Variants in CCDC174 observed in about 807,000 individuals in gnomAD.
CCDC174 encodes coiled-coil domain containing 174, also known as coiled-coil domain-containing protein 174.
CCDC174 carries 37 observed loss-of-function variants against 57.1 expected under a neutral mutation model. The observed-to-expected ratio is 0.65, with a 90% CI of 0.50 to 0.85. The LOEUF is 0.85. CCDC174 is among the 40% of genes least tolerant of loss of function. The pLI is 0.00. For synonymous variants in CCDC174, 182 were observed against 190.2 expected (o/e 0.96, Z 0.35); for missense variants, 540 against 574.3 (o/e 0.94, Z 0.61).
rs764119196 is a variant in CCDC174 at position 14,670,918 on chromosome 3, G to A, written c.1128G>A (p.Ser376=). 3.2e-5 allele frequency: 52 copies of A among 1,608,934 alleles called. No individual in the cohort carries two copies. The highest frequency in any genetic ancestry group is 1.6e-4 in the Middle Eastern group (1 of 6,070). Residue 376 remains serine, a synonymous_variant, in exon 11 of 11, where the codon TCG becomes TCA. Transcript: ENST00000383794. The part of the protein sequence containing the change: ...RGKEFSFGYW[S]KRQSDLRAER... ...CAGAATTTTCCTTTGGATACTGGTC[G>A]AAGAGGCAGTCAGATCTCCGGGCTG...
Position 14,671,279 on chromosome 3 carries a change from T to C in CCDC174, c.*85T>C. On this transcript the variant is annotated 3_prime_UTR_variant, in exon 11 of 11. Coordinates refer to ENST00000383794, the MANE Select transcript of CCDC174 (RefSeq NM_016474.5). ...AGAAATAACTTTAGGAACTGAATTG[T>C]ACCTTTGTCCTGTCCTTTCCCTAGG... 7.4e-7 allele frequency: 1 copy of C among 1,359,592 alleles called. No homozygotes were observed. Among genetic ancestry groups the C allele is most frequent in the Non-Finnish European group, 1.0e-6 (1 of 988,366 alleles). The allele number at this position is 1,359,592 out of a possible 1,614,324, so 84.2% of individuals were successfully genotyped here.
At chr3:14,654,346 CT>C in intron 1 of CCDC174, 79 bp from the exon 2 acceptor site, 1 of 754,532 alleles carries the variant, frequency 1.3e-6, no homozygotes, top group Non-Finnish European at 2.2e-6. Flanking sequence ...TGAAATATTC[CT>C]TTGGAAATTA....
intron 6 of CCDC174, among the ~76,000 whole-genome samples, chr3:14,666,475 T>C (rs1241986383): frequency 1.3e-5 from 2 of 151,988 alleles, no homozygotes; most frequent in Non-Finnish European, 2.9e-5. Flanking sequence ...ATACAAAAAT[T>C]AGCCAGATGT....
At chr3:14,654,219 G>A (rs554112867) in intron 1 of CCDC174, among the ~76,000 whole-genome samples, 1 of 152,220 alleles carries the variant, frequency 6.6e-6, no homozygotes, top group African/African-American at 2.4e-5. Context: ...AAATGCATTT[G>A]CAGCAGAGGT....
intron 8 of CCDC174, 91 bp from the exon 9 acceptor site, chr3:14,667,958 C>G (rs2031393724): frequency 1.5e-6 from 2 of 1,290,838 alleles, no homozygotes; most frequent in East Asian, 2.3e-5. Flanking sequence ...GATCAATTAA[C>G]TAGTCTATTT....
chr3:14,667,101 C>T (rs1430799060), intron 7 of CCDC174, 154 bp downstream of exon 7: 77 of 678,600 alleles, frequency 1.1e-4, no homozygotes. Flanking sequence ...CACTTCATAG[C>T]CTTAAAATAC....
intron 5 of CCDC174, among the ~76,000 whole-genome samples, chr3:14,662,561 A>G (rs1359945137): frequency 5.3e-5 from 8 of 152,130 alleles, no homozygotes; most frequent in Non-Finnish European, 7.4e-5. Flanking sequence ...TTTCTACCTA[A>G]GATATTATTG....
At chr3:14,654,242 G>A (rs570888792) in intron 1 of CCDC174, among the ~76,000 whole-genome samples, 184 bp from the exon 2 acceptor site, 58 of 152,336 alleles carry the variant, frequency 3.8e-4, no homozygotes, top group African/African-American at 1.4e-3. Flanking sequence ...AATGAAACAT[G>A]ACTTAGCTTA....
At chr3:14,663,244 C>T (rs1054926396) in intron 5 of CCDC174, among the ~76,000 whole-genome samples, 1 of 152,108 alleles carries the variant, frequency 6.6e-6, no homozygotes, top group South Asian at 2.1e-4. Context: ...TGGGCTTGAG[C>T]AATCCTCCTG....
chr3:14,655,508 T>C (rs760898920), intron 2 of CCDC174, 21 bp from the exon 3 acceptor site: 1 of 1,548,982 alleles, frequency 6.5e-7, no homozygotes, highest in African/African-American at 1.4e-5. Context: ...TTCTGTTTTG[T>C]CTTCTAAAAT....
intron 2 of CCDC174, 94 bp from the exon 3 acceptor site, chr3:14,655,435 C>G (rs1380896352): frequency 8.2e-6 from 6 of 729,546 alleles, no homozygotes. Flanking sequence ...CATAAGAACT[C>G]ATGATCTCCT....
At chr3:14,652,076 C>T (rs1252590239) in intron 1 of CCDC174, among the ~76,000 whole-genome samples, 198 bp downstream of exon 1, 1 of 152,124 alleles carries the variant, frequency 6.6e-6, no homozygotes, top group Admixed American at 6.5e-5. Context: ...AATTGGGCTA[C>T]TCTCCTCTGA....
chr3:14,655,557 T>A lies in CCDC174; in HGVS notation c.176T>A (p.Val59Glu), dbSNP rs905451662. The change falls in exon 3 of 11, where the codon GTA becomes GAA. Residue 59 changes from valine (V) to glutamate (E), a missense_variant. Coordinates refer to ENST00000383794, the MANE Select transcript of CCDC174 (RefSeq NM_016474.5). Reference sequence around the variant, plus strand: ...CCAAGTATCTGGAGCAAACAGAATGTAGGCGTTTCAAATCGAGCTGAGAAG... The same window carrying A: ...CCAAGTATCTGGAGCAAACAGAATGAAGGCGTTTCAAATCGAGCTGAGAAG... ...KKPSIWSKQN[V>E]GVSNRAEKDA... 12 of 1,611,016 alleles carry A rather than the reference T, an allele frequency of 7.4e-6. No individual in the cohort carries two copies. The highest frequency in any genetic ancestry group is 9.3e-6 in the Non-Finnish European group (11 of 1,178,384).
rs374934915 is a variant in CCDC174 at position 14,654,525 on chromosome 3, A to G, written c.142A>G (p.Asn48Asp). The change falls in exon 2 of 11, where the codon AAC becomes GAC. Residue 48 changes from asparagine (N) to aspartate (D), a missense_variant. Coordinates refer to ENST00000383794, the MANE Select transcript of CCDC174 (RefSeq NM_016474.5). ...AGTTTTTGGAAAACCAAAAACAACT[A>G]ACAAGGTAAAAAATAAGATCTAATT... is the stretch of plus-strand genomic sequence containing the variant. ...SGVFGKPKTT[N>D]KKPSIWSKQN... is the part of the protein sequence containing the mutation. The G allele has an allele frequency of 5.3e-5, 77 of 1,447,006 alleles. 1 individual carries two copies. The South Asian group carries it at 5.9e-4, about 11-fold the overall frequency. 89.6% of individuals were successfully genotyped at this position (1,447,006 alleles called of 1,614,324 possible). A position where few individuals can be genotyped will look rare whatever the true frequency, so the allele number is the denominator to read the frequency against.
chr3:14,667,076 A>G (rs2031367853), intron 7 of CCDC174, 129 bp downstream of exon 7: 2 of 796,104 alleles, frequency 2.5e-6, no homozygotes, highest in South Asian at 3.9e-5. Flanking sequence ...GGAAATAGAA[A>G]ATATCTCCTT....
In CCDC174 at chr3:14,671,061, G is replaced by A; in HGVS notation, c.1271G>A (p.Cys424Tyr). The A allele has an allele frequency of 6.2e-7, 1 of 1,614,146 alleles. No homozygotes were observed. The highest frequency in any genetic ancestry group is 8.5e-7 in the Non-Finnish European group (1 of 1,180,022). Residue 424 changes from cysteine to tyrosine, a missense_variant, in exon 11 of 11, where the codon TGC (cysteine) becomes TAC (tyrosine). Physicochemically the swap from Cys to Tyr is radical, Grantham distance 194 (BLOSUM62 -2). Transcript: ENST00000383794. The part of the protein sequence containing the change: ...PGPAQSDPGQ[C>Y]PDQSHGPSPE... ...CCAGCACAGAGTGACCCAGGGCAGTGCCCTGACCAGAGCCACGGACCTAGC... is the reference window on the plus strand; with the variant it reads ...CCAGCACAGAGTGACCCAGGGCAGTACCCTGACCAGAGCCACGGACCTAGC...
Position 14,651,807 on chromosome 3 carries a change from C to G in CCDC174, c.-30C>G, listed in dbSNP as rs777816736. On this transcript the variant is annotated 5_prime_UTR_variant, in exon 1 of 11. Transcript: ENST00000383794. ...AGGCCTGTGTCGGGTAGAAAGGGTC[C>G]TTCCTGGACCGGGACCCTCTGCCAC... is the stretch of plus-strand genomic sequence containing the variant. 5.6e-6 allele frequency: 9 copies of G among 1,613,522 alleles called. No homozygotes were observed. Among genetic ancestry groups the G allele is most frequent in the African/African-American group, 1.3e-5 (1 of 74,912 alleles).
At chr3:14,664,954 T>G (rs2031266848) in intron 5 of CCDC174, 74 bp from the exon 6 acceptor site, 2 of 1,060,168 alleles carry the variant, frequency 1.9e-6, no homozygotes, top group Non-Finnish European at 3.0e-6. Context: ...CCCTTCACTG[T>G]TCACCTACTC....
At chr3:14,667,942 C>T in intron 8 of CCDC174, 107 bp from the exon 9 acceptor site, 1 of 1,082,248 alleles carries the variant, frequency 9.2e-7, no homozygotes, top group Non-Finnish European at 1.3e-6. Context: ...TTAGAGGTGG[C>T]CTGAAGATCA....
Sources: gnomAD v4.1 joint callset for allele counts (sites outside exome capture counted in the v4.1 genomes callset) on GRCh38, gnomAD v4.1.1 for gene constraint, MANE v1.5 for transcripts, NCBI Gene and HGNC (gene_info 2026-07-23, HGNC 2026-07-21) for gene names.